The following TNS3 variants were observed in gnomAD, a reference collection of about 807,000 sequenced individuals.
TNS3 encodes the protein tensin 3.
In TNS3, 45 loss-of-function variants were observed where a neutral mutation model predicts 140.9. That is an observed-to-expected ratio of 0.32 (90% CI 0.25 to 0.41). The LOEUF (loss-of-function observed/expected upper bound fraction) is 0.41, where lower values mean the gene tolerates loss of function less well. TNS3 is among the 10% of genes least tolerant of loss of function. TNS3 has a pLI of 1.00. For synonymous variants in TNS3, 815 were observed against 788.4 expected, an observed-to-expected ratio of 1.03 and a Z score of -0.56; for missense variants, 1,716 against 1,906.7, an observed-to-expected ratio of 0.90 and a Z score of 1.86.
chr7:47,292,796 A>C, intron 26 of TNS3, 32 bp downstream of exon 26: 3 of 1,599,726 alleles, frequency 1.9e-6, no homozygotes, highest in Non-Finnish European at 2.6e-6. Flanking sequence ...GACAATCTAC[A>C]CAGAGCCTGA....
intron 1 of TNS3, among the ~76,000 whole-genome samples, chr7:47,545,025 C>T (rs1167654063): frequency 6.6e-6 from 1 of 151,886 alleles, no homozygotes; most frequent in Admixed American, 6.6e-5. Flanking sequence ...ACACTAAAAA[C>T]GGAGAGAGGT....
chr7:47,556,705 G>T (rs1800204865), intron 1 of TNS3, among the ~76,000 whole-genome samples: 1 of 152,248 alleles, frequency 6.6e-6, no homozygotes, highest in African/African-American at 2.4e-5. Context: ...GCTGAGGGAA[G>T]CAAAGCAGAG....
At chr7:47,566,711 T>A (rs1800435196) in intron 1 of TNS3, among the ~76,000 whole-genome samples, 1 of 152,182 alleles carries the variant, frequency 6.6e-6, no homozygotes, top group South Asian at 2.1e-4. Context: ...AACCAAGTGA[T>A]CTGACTTAGC....
chr7:47,526,844 TG>T (rs1799210931), intron 2 of TNS3, among the ~76,000 whole-genome samples: 1 of 152,252 alleles, frequency 6.6e-6, no homozygotes, highest in Non-Finnish European at 1.5e-5. Context: ...CCAGGTTCTC[TG>T]TGCTGCTGGT....
At chr7:47,278,268 C>T in intron 30 of TNS3, 48 bp from the exon 31 acceptor site, 1 of 1,573,904 alleles carries the variant, frequency 6.4e-7, no homozygotes. Context: ...CACAAAGTAC[C>T]AAGCTTCTAC....
intron 2 of TNS3, among the ~76,000 whole-genome samples, chr7:47,513,544 T>C (rs1798678389): frequency 6.6e-6 from 1 of 152,292 alleles, no homozygotes; most frequent in South Asian, 2.1e-4. Context: ...ACAGAAATGC[T>C]GCAGGCAGCT....
chr7:47,581,898 G>A (rs1426744982), intron 1 of TNS3, among the ~76,000 whole-genome samples, 153 bp downstream of exon 1: 4 of 149,062 alleles, frequency 2.7e-5, no homozygotes, highest in Non-Finnish European at 6.0e-5. Flanking sequence ...CTCTGTCTCC[G>A]CGCTCCCCGA....
At chr7:47,310,483 G>GC (rs1787025706) in intron 20 of TNS3, among the ~76,000 whole-genome samples, 1 of 152,014 alleles carries the variant, frequency 6.6e-6, no homozygotes, top group Non-Finnish European at 1.5e-5. Context: ...TAAAGAACAT[G>GC]CCTCCCCCAC....
At chr7:47,295,992 A>G (rs1213960883) in intron 24 of TNS3, among the ~76,000 whole-genome samples, 1 of 151,846 alleles carries the variant, frequency 6.6e-6, no homozygotes, top group African/African-American at 2.4e-5. Context: ...TGATTTCCCC[A>G]CTCCTAGTGA....
At chr7:47,322,389 G>A (rs1157484894) in intron 20 of TNS3, among the ~76,000 whole-genome samples, 1 of 152,072 alleles carries the variant, frequency 6.6e-6, no homozygotes, top group Non-Finnish European at 1.5e-5. Flanking sequence ...GGGCGTGGTA[G>A]TTCATGCCTG....
intron 2 of TNS3, among the ~76,000 whole-genome samples, chr7:47,528,583 T>G (rs551764555): frequency 3.9e-5 from 6 of 152,346 alleles, no homozygotes; most frequent in African/African-American, 1.4e-4. Flanking sequence ...GCAAGTTCCA[T>G]TCATTACTTG....
At chr7:47,433,986 C>G (rs917962491) in intron 8 of TNS3, among the ~76,000 whole-genome samples, 2 of 151,776 alleles carry the variant, frequency 1.3e-5, no homozygotes, top group African/African-American at 4.8e-5. Context: ...TTGAAAAGAT[C>G]AGGTCATCAC....
intron 16 of TNS3, among the ~76,000 whole-genome samples, chr7:47,372,374 C>A (rs1176083987): frequency 6.6e-6 from 1 of 152,112 alleles, no homozygotes. Flanking sequence ...AAAAAAAGCC[C>A]AATAATGAGT....
chr7:47,546,834 T>C (rs934265151), intron 1 of TNS3, among the ~76,000 whole-genome samples: 3 of 152,134 alleles, frequency 2.0e-5, no homozygotes, highest in Admixed American at 1.3e-4. Flanking sequence ...CCACGGTCTC[T>C]CAGTGTGTGC....
intron 17 of TNS3, among the ~76,000 whole-genome samples, chr7:47,366,750 A>AACCTGGGCAGGCCAC: frequency 1.9e-5 from 1 of 51,994 alleles, no homozygotes; most frequent in African/African-American, 3.9e-5. Flanking sequence ...CAGGCCACAT[A>AACCTGGGCAGGCCAC]ATCTACTGAC....
intron 4 of TNS3, among the ~76,000 whole-genome samples, chr7:47,465,698 G>A (rs1191435429): frequency 6.6e-6 from 1 of 152,114 alleles, no homozygotes; most frequent in African/African-American, 2.4e-5. Flanking sequence ...GCCGAGGTGG[G>A]AGGATCACCT....
chr7:47,523,263 C>T lies in TNS3; in HGVS notation c.-153+5773G>A, dbSNP rs576978107. On this transcript the variant is annotated intron_variant, in intron 2 of 30. Transcript: ENST00000311160. Reference sequence around the variant, plus strand: ...CTCCACTCACAAAACATATCACCTCCCCAAGGCCCCATCTCCTAATGCCAC... The same window carrying T: ...CTCCACTCACAAAACATATCACCTCTCCAAGGCCCCATCTCCTAATGCCAC... 9.2e-5 allele frequency among the ~76,000 whole-genome samples: 14 copies of T among 152,274 alleles called. No individual in the cohort carries two copies. In the South Asian group the frequency reaches 1.9e-3, roughly 20 times the overall value.
At chr7:47,370,256 G>C (rs1439156104) in intron 16 of TNS3, among the ~76,000 whole-genome samples, 3 of 152,006 alleles carry the variant, frequency 2.0e-5, no homozygotes, top group Non-Finnish European at 2.9e-5. Flanking sequence ...CTCCAGCCTG[G>C]GCAAGAGAGC....
intron 1 of TNS3, among the ~76,000 whole-genome samples, chr7:47,542,668 A>C (rs1799820453): frequency 6.6e-6 from 1 of 152,108 alleles, no homozygotes; most frequent in Non-Finnish European, 1.5e-5. Flanking sequence ...ACGGTGGCTC[A>C]ACCTGTAATC....
Sources: gnomAD v4.1 joint callset for allele counts (sites outside exome capture counted in the v4.1 genomes callset) on GRCh38, gnomAD v4.1.1 for gene constraint, MANE v1.5 for transcripts, NCBI Gene and HGNC (gene_info 2026-07-23, HGNC 2026-07-21) for gene names.